The following VPS13B variants were observed in gnomAD, a reference collection of about 807,000 sequenced individuals.
VPS13B encodes the protein vacuolar protein sorting 13 homolog B.
VPS13B carries 285 observed loss-of-function variants against 426.4 expected under a neutral mutation model. The observed-to-expected ratio is 0.67, with a 90% confidence interval of 0.61 to 0.74. The LOEUF is 0.74. Among genes scored for constraint, VPS13B ranks in the 30% least tolerant of loss-of-function variants. The pLI is 0.00. For synonymous variants in VPS13B, 1,676 were observed against 1,676.4 expected, an observed-to-expected ratio of 1.00 and a Z score of 0.01; for missense variants, 4,537 against 4,782.6, an observed-to-expected ratio of 0.95 and a Z score of 1.51.
intron 12 of VPS13B, 40 bp from the exon 13 acceptor site, chr8:99,142,934 T>C (rs1306679138): frequency 1.9e-6 from 3 of 1,573,040 alleles, no homozygotes; most frequent in Non-Finnish European, 2.6e-6. Flanking sequence ...ACTTGGTATA[T>C]CCAATTGATG....
intron 19 of VPS13B, among the ~76,000 whole-genome samples, chr8:99,321,157 GT>G (rs1222930329): frequency 6.7e-6 from 1 of 148,358 alleles, no homozygotes. Context: ...ATTTTAGGTT[GT>G]TTTAGAAGCT....
chr8:99,191,364 GTCTC>G (rs199858704), intron 16 of VPS13B, among the ~76,000 whole-genome samples: 6 of 129,758 alleles, frequency 4.6e-5, no homozygotes, highest in African/African-American at 1.2e-4. Flanking sequence ...AGTTATTTTA[GTCTC>G]TCTCTCTCTT....
chr8:99,317,934 A>ATATG (rs1273492197), intron 19 of VPS13B, among the ~76,000 whole-genome samples: 5 of 152,132 alleles, frequency 3.3e-5, no homozygotes, highest in Admixed American at 6.5e-5. Flanking sequence ...TCTGTTTTAT[A>ATATG]TATGTATATA....
At chr8:99,565,473 T>C (rs1475382969) in intron 31 of VPS13B, among the ~76,000 whole-genome samples, 2 of 152,156 alleles carry the variant, frequency 1.3e-5, no homozygotes, top group Non-Finnish European at 1.5e-5. Flanking sequence ...ATCAGTCTTA[T>C]ACTTCTCAGG....
At chr8:99,146,766 T>G (rs1810750216) in intron 13 of VPS13B, among the ~76,000 whole-genome samples, 1 of 152,078 alleles carries the variant, frequency 6.6e-6, no homozygotes, top group African/African-American at 2.4e-5. Flanking sequence ...AGAGATGAAG[T>G]CTTACTATGT....
chr8:99,385,367 T>A (rs1044973759), intron 20 of VPS13B, among the ~76,000 whole-genome samples: 15 of 152,228 alleles, frequency 9.9e-5, no homozygotes, highest in Non-Finnish European at 2.1e-4. Context: ...GTATCGTTTT[T>A]CTGAAGTAAC....
At chr8:99,380,478 C>T (rs577205529) in intron 19 of VPS13B, among the ~76,000 whole-genome samples, 1 of 152,030 alleles carries the variant, frequency 6.6e-6, no homozygotes, top group South Asian at 2.1e-4. Flanking sequence ...TGAATCATTG[C>T]TCAACAGTAC....
intron 3 of VPS13B, 88 bp from the exon 4 acceptor site, chr8:99,096,224 C>T (rs1588030836): frequency 4.8e-6 from 7 of 1,463,792 alleles, no homozygotes; most frequent in South Asian, 1.2e-5. Context: ...CCTGTAGCTA[C>T]CATAAACTGC....
At position 99,129,436 on chromosome 8, in the gene VPS13B, C is replaced by T. The variant is rs554874222; in HGVS notation, c.1207-5196C>T. 4.6e-5 allele frequency among the ~76,000 whole-genome samples: 7 copies of T among 151,406 alleles called. No homozygotes were observed. In the South Asian group the frequency reaches 1.0e-3, roughly 23 times the overall value. On this transcript the variant is annotated intron_variant, in intron 8 of 61. Coordinates refer to ENST00000357162, the MANE Select transcript of VPS13B (RefSeq NM_152564.5). Reference sequence around the variant, plus strand: ...TAAATAAATTAGCAGGGCATGGTGGCGCTTGCCTGTAATCCTAGCAATTTA... The same window carrying T: ...TAAATAAATTAGCAGGGCATGGTGGTGCTTGCCTGTAATCCTAGCAATTTA...
chr8:99,061,296 C>CTTTTTTTT (rs36037937), intron 3 of VPS13B, among the ~76,000 whole-genome samples: 3 of 112,938 alleles, frequency 2.7e-5, no homozygotes, highest in African/African-American at 7.0e-5. Context: ...TGCTAATTTT[C>CTTTTTTTT]TTTTTTTTTT....
rs187904516 is a variant in VPS13B at position 99,832,089 on chromosome 8, C to G, written c.9331-280C>G. On this transcript the variant is annotated intron_variant, in intron 51 of 61. Transcript: ENST00000357162. ...CAGCCTTGGCCAACATAGCGAAACC[C>G]CATCTCTACTAAAAATACAAAAATT... Among the ~76,000 whole-genome samples, 151 of 152,096 alleles carry G rather than the reference C, an allele frequency of 9.9e-4. 1 individual carries two copies. The highest frequency in any genetic ancestry group is 2.3e-3 in the Admixed American group (35 of 15,286).
chr8:99,462,213 A>G (rs1280579748), intron 23 of VPS13B, among the ~76,000 whole-genome samples: 1 of 139,460 alleles, frequency 7.2e-6, no homozygotes, highest in South Asian at 2.2e-4. Context: ...ACTGTATGCT[A>G]TGCACTGTGT....
intron 19 of VPS13B, among the ~76,000 whole-genome samples, chr8:99,298,320 C>T (rs1219319146): frequency 6.6e-6 from 1 of 152,080 alleles, no homozygotes; most frequent in Non-Finnish European, 1.5e-5. Context: ...GAAACCCCGT[C>T]TCTACTAAAA....
At chr8:99,495,466 C>T (rs751446349) in intron 25 of VPS13B, among the ~76,000 whole-genome samples, 23 of 151,988 alleles carry the variant, frequency 1.5e-4, no homozygotes, top group Non-Finnish European at 3.1e-4. Context: ...AAATCTTGTT[C>T]ATGTTGGATT....
At chr8:99,127,531 A>G (rs969233890) in intron 8 of VPS13B, among the ~76,000 whole-genome samples, 1 of 152,052 alleles carries the variant, frequency 6.6e-6, no homozygotes, top group Non-Finnish European at 1.5e-5. Context: ...TTCTCCCACC[A>G]CATCTAATCA....
chr8:99,351,343 TTTAAAC>T lies in VPS13B; in HGVS notation c.2825-32859_2825-32854del. The stretch of plus-strand genomic sequence containing the variant: ...CCTTTTATGGTTCTGAAAAGGAAAG[TTTAAAC>T]TTAAAGTTAACTCCAACTGTCACCT... On this transcript the variant is annotated intron_variant, in intron 19 of 61. Coordinates refer to ENST00000357162, the MANE Select transcript of VPS13B (RefSeq NM_152564.5). 2.0e-5 allele frequency among the ~76,000 whole-genome samples: 3 copies of T among 152,254 alleles called. No individual in the cohort carries two copies. The Middle Eastern group carries it at 0.01, about 518-fold the overall frequency.
chr8:99,497,972 A>T (rs970195292), intron 25 of VPS13B, among the ~76,000 whole-genome samples: 1 of 152,108 alleles, frequency 6.6e-6, no homozygotes, highest in Admixed American at 6.5e-5. Context: ...AATATCTATG[A>T]AAAAAATAAA....
At chr8:99,169,366 CAA>C (rs555894943) in intron 15 of VPS13B, among the ~76,000 whole-genome samples, 35 of 151,844 alleles carry the variant, frequency 2.3e-4, no homozygotes, top group Non-Finnish European at 4.3e-4. Flanking sequence ...TCTATTATGA[CAA>C]ATATAGTATC....
intron 30 of VPS13B, among the ~76,000 whole-genome samples, chr8:99,534,789 G>T (rs1823113802): frequency 6.6e-6 from 1 of 152,112 alleles, no homozygotes; most frequent in African/African-American, 2.4e-5. Context: ...AGGAAGAATT[G>T]CATTTTTCTC....
Sources: gnomAD v4.1 joint callset for allele counts (sites outside exome capture counted in the v4.1 genomes callset) on GRCh38, gnomAD v4.1.1 for gene constraint, MANE v1.5 for transcripts, NCBI Gene and HGNC (gene_info 2026-07-23, HGNC 2026-07-21) for gene names.